Variants in NFATC4 observed in about 807,000 individuals in gnomAD.
The protein encoded by NFATC4 is nuclear factor of activated T-cells, cytoplasmic 4.
Under a neutral mutation model 73.4 loss-of-function variants are expected in NFATC4, and 25 were observed. That is an observed-to-expected ratio of 0.34 (90% CI 0.25 to 0.48). The LOEUF (loss-of-function observed/expected upper bound fraction) is 0.48, where lower values mean the gene tolerates loss of function less well. Among genes scored for constraint, NFATC4 ranks in the 20% least tolerant of loss-of-function variants. The pLI is 0.99. For synonymous variants in NFATC4, 523 were observed against 510.3 expected (o/e 1.02, Z -0.34); for missense variants, 1,130 against 1,203.7 (o/e 0.94, Z 0.91).
At position 24,377,539 on chromosome 14, in the gene NFATC4, T is replaced by C; in HGVS notation, c.2642-99T>C. 1 of 1,586,020 alleles carries C rather than the reference T, an allele frequency of 6.3e-7. No homozygotes were observed. The highest frequency in any genetic ancestry group is 8.6e-7 in the Non-Finnish European group (1 of 1,165,692). On this transcript the variant is annotated intron_variant, in intron 9 of 9. Coordinates refer to ENST00000250373, the MANE Select transcript of NFATC4 (RefSeq NM_004554.5). The surrounding 1 kb of genome is among the most constrained non-coding windows in gnomAD (Gnocchi z 4.2). ...CCAGTAGAGGAGGAATCTAGAGGCC[T>C]CCTAGATTAAGACCTGCCTGGAATG...
rs1184839804 is a variant in NFATC4, at chr14:24,376,376, G to A, written c.2139G>A (p.Met713Ile). 1 of 1,612,582 alleles carries A rather than the reference G, an allele frequency of 6.2e-7. No homozygotes were observed. The highest frequency in any genetic ancestry group is 1.7e-5 in the Admixed American group (1 of 59,862). Residue 713 changes from methionine to isoleucine, a missense_variant, in exon 9 of 10, where the codon ATG becomes ATA. Physicochemically the swap from Met to Ile is conservative, Grantham distance 10 (BLOSUM62 1). Around this residue, in one of 3 missense-constraint regions of NFATC4, gnomAD observed 390 missense variants for 408.1 expected, o/e 0.96. Transcript: ENST00000250373. The surrounding 1 kb of genome is among the most constrained non-coding windows in gnomAD (Gnocchi z 5.0). Reference protein sequence around the residue: ...SASATPFGTDMDFSPPRPPYP... With the variant: ...SASATPFGTDIDFSPPRPPYP... ...CGGCAACCCCCTTTGGCACTGACAT[G>A]GACTTCTCACCACCCAGGCCCCCCT...
chr14:24,372,389 CCT>C, intron 2 of NFATC4, 50 bp from the exon 3 acceptor site: 1 of 1,590,222 alleles, frequency 6.3e-7, no homozygotes, highest in Non-Finnish European at 8.6e-7. Flanking sequence ...CCAGTACGGG[CCT>C]GACTGGGGTC....
In NFATC4 at chr14:24,376,037, C is replaced by G. The variant is rs1373104518; in HGVS notation, c.1992C>G (p.Val664=). Residue 664 remains valine (V), a synonymous_variant, in exon 8 of 10, where the codon GTC becomes GTG. Transcript: ENST00000250373. The surrounding 1 kb of genome is among the most constrained non-coding windows in gnomAD (Gnocchi z 5.0). ...SNKRVSRPVQ[V]YFYVSNGRRK... is the part of the protein sequence containing the mutation. Reference sequence around the variant, plus strand: ...AGAGGGTTTCCCGGCCAGTCCAGGTCTACTTTTATGTCTCCAATGGGCGGA... The same window carrying G: ...AGAGGGTTTCCCGGCCAGTCCAGGTGTACTTTTATGTCTCCAATGGGCGGA... 2 of 1,614,034 alleles carry G rather than the reference C, an allele frequency of 1.2e-6. No individual in the cohort carries two copies. Among genetic ancestry groups the G allele is most frequent in the Non-Finnish European group, 1.7e-6 (2 of 1,179,972 alleles).
At chr14:24,367,908 G>C (rs1050264669), upstream of NFATC4, 5 of 1,307,368 alleles carry the variant, frequency 3.8e-6, no homozygotes, top group African/African-American at 1.5e-5. Context: ...GGTGGGGGCT[G>C]GGCTCTCTGC....
In NFATC4 at chr14:24,376,970, C is replaced by G; in HGVS notation, c.2641+92C>G. 7.0e-7 allele frequency: 1 copy of G among 1,422,442 alleles called. No homozygotes were observed. The highest frequency in any genetic ancestry group is 9.2e-7 in the Non-Finnish European group (1 of 1,091,076). 88.1% of individuals were successfully genotyped at this position (1,422,442 alleles called of 1,614,324 possible). Reference sequence around the variant, plus strand: ...GGCTGGAGCTGGGCTTTTCAGAGATCGGGCATCCCTGGTCTCTCAGGGCCA... The same window carrying G: ...GGCTGGAGCTGGGCTTTTCAGAGATGGGGCATCCCTGGTCTCTCAGGGCCA... On this transcript the variant is annotated intron_variant, in intron 9 of 9. Coordinates refer to ENST00000250373, the MANE Select transcript of NFATC4 (RefSeq NM_004554.5). The surrounding 1 kb of genome is among the most constrained non-coding windows in gnomAD (Gnocchi z 5.0).
chr14:24,377,239 C>T lies in NFATC4; in HGVS notation c.2641+361C>T. On this transcript the variant is annotated intron_variant, in intron 9 of 9. Coordinates refer to ENST00000250373, the MANE Select transcript of NFATC4 (RefSeq NM_004554.5). The surrounding 1 kb of genome is among the most constrained non-coding windows in gnomAD (Gnocchi z 4.2). ...GATGGTAGCTTGCTGAGGTCCCAGT[C>T]AAGCACACTTGCCATTGCCTCAGCT... The T allele has an allele frequency of 8.0e-7, 1 of 1,255,056 alleles. No individual in the cohort carries two copies. Among genetic ancestry groups the T allele is most frequent in the Non-Finnish European group, 1.0e-6 (1 of 1,000,812 alleles). The allele number at this position is 1,255,056 out of a possible 1,614,324, so 77.7% of individuals were successfully genotyped here.
chr14:24,375,737 C>A lies in NFATC4; in HGVS notation c.1929+22C>A, dbSNP rs762107129. ...CGAGGTACCAGTGTCACTTGGATAC[C>A]TCCTGGGGGGCGGGGGTGGGAGAAG... is the stretch of plus-strand genomic sequence containing the variant. On this transcript the variant is annotated intron_variant, in intron 7 of 9. Coordinates refer to ENST00000250373, the MANE Select transcript of NFATC4 (RefSeq NM_004554.5). 1.4e-5 allele frequency: 9 copies of A among 649,730 alleles called. No homozygotes were observed. In the East Asian group the frequency reaches 4.3e-4, roughly 31 times the overall value. The allele number at this position is 649,730 out of a possible 1,614,324, so 40.2% of individuals were successfully genotyped here. A position where few individuals can be genotyped will look rare whatever the true frequency, so the allele number is the denominator to read the frequency against.
At position 24,369,695 on chromosome 14, in the gene NFATC4, A is replaced by AAGGGGTGCT; in HGVS notation, c.297_298insAGGGGTGCT (p.Gly99_Gly100insArgGlyAla). 1 of 1,611,112 alleles carries AAGGGGTGCT rather than the reference A, an allele frequency of 6.2e-7. No individual in the cohort carries two copies. Among genetic ancestry groups the AAGGGGTGCT allele is most frequent in the Middle Eastern group, 1.7e-4 (1 of 6,030 alleles). On this transcript the variant is annotated inframe_insertion, in exon 2 of 10. Coordinates refer to ENST00000250373, the MANE Select transcript of NFATC4 (RefSeq NM_004554.5). ...GGTCGGTGAGGCTGGGAGGACCAGGAGGGGGTGCTGGGGGTGCTGGGGGTG... is the reference window on the plus strand; with the variant it reads ...GGTCGGTGAGGCTGGGAGGACCAGGAAGGGGTGCTGGGGGTGCTGGGGGTGCTGGGGGTG...
chr14:24,376,311 C>A lies in NFATC4; in HGVS notation c.2074C>A (p.Pro692Thr). ...RFLPVICKEE[P>T]LPDSSLRGFP... ...CTTCCCAGTGATCTGCAAAGAGGAG[C>A]CCCTACCGGACTCATCTCTGCGGGG... is the stretch of plus-strand genomic sequence containing the variant. Residue 692 changes from proline (P) to threonine (T), a missense_variant, in exon 9 of 10, where the codon CCC (proline) becomes ACC (threonine). This residue lies in a region of NFATC4 where 390 missense variants were observed against 408.1 expected (regional missense o/e 0.96). Transcript: ENST00000250373. The surrounding 1 kb of genome is among the most constrained non-coding windows in gnomAD (Gnocchi z 5.0). The A allele has an allele frequency of 6.3e-7, 1 of 1,577,764 alleles. No homozygotes were observed. Among genetic ancestry groups the A allele is most frequent in the Non-Finnish European group, 8.6e-7 (1 of 1,162,408 alleles).
chr14:24,367,346 T>A, upstream of NFATC4: 3 of 1,537,102 alleles, frequency 2.0e-6, no homozygotes, highest in Non-Finnish European at 2.6e-6. Flanking sequence ...AGTGGGATGC[T>A]ATCGGGTCAG....
At chr14:24,375,833 C>T (rs1033971345) in intron 7 of NFATC4, 118 bp downstream of exon 7, 13 of 1,535,480 alleles carry the variant, frequency 8.5e-6, no homozygotes, top group African/African-American at 1.4e-5. Context: ...ACTGGCCATT[C>T]TGTAAGCAGG....
Position 24,370,466 on chromosome 14 carries a change from G to C in NFATC4, c.1068G>C (p.Leu356Phe). ...EPASCNGKLP[L>F]GAEESVAPPG... ...CCTCATGCAATGGGAAGCTGCCCTT[G>C]GGAGCAGAGGAGTCTGTGGCTCCTC... Residue 356 changes from leucine (L) to phenylalanine (F), a missense_variant, in exon 2 of 10, where the codon TTG becomes TTC. Leu to Phe is a conservative substitution (Grantham distance 22, BLOSUM62 0). This residue lies in a region of NFATC4 where 585 missense variants were observed against 574.3 expected (regional missense o/e 1.02). Coordinates refer to ENST00000250373, the MANE Select transcript of NFATC4 (RefSeq NM_004554.5). 6.2e-7 allele frequency: 1 copy of C among 1,614,174 alleles called. No individual in the cohort carries two copies. The highest frequency in any genetic ancestry group is 8.5e-7 in the Non-Finnish European group (1 of 1,180,022).
At chr14:24,367,374 C>T (rs2042335601), upstream of NFATC4, 5 of 1,535,836 alleles carry the variant, frequency 3.3e-6, no homozygotes, top group African/African-American at 1.4e-5. Flanking sequence ...TTCCAGACTA[C>T]AGTTCTAGGG....
rs1054817437 is a variant in NFATC4, at chr14:24,376,403, C to T, written c.2166C>T (p.Tyr722=). 2.5e-6 allele frequency: 4 copies of T among 1,613,578 alleles called. No individual in the cohort carries two copies. The highest frequency in any genetic ancestry group is 3.4e-6 in the Non-Finnish European group (4 of 1,179,726). Residue 722 remains tyrosine (Y), a synonymous_variant, in exon 9 of 10, where the codon TAC becomes TAT. Coordinates refer to ENST00000250373, the MANE Select transcript of NFATC4 (RefSeq NM_004554.5). The surrounding 1 kb of genome is among the most constrained non-coding windows in gnomAD (Gnocchi z 5.0). The part of the protein sequence containing the change: ...DMDFSPPRPP[Y]PSYPHEDPAC... ...ACTTCTCACCACCCAGGCCCCCCTA[C>T]CCCTCCTATCCCCATGAAGACCCTG...
rs1253131439 is a variant in NFATC4, at chr14:24,377,414, G to A, written c.2642-224G>A. 1.4e-6 allele frequency: 2 copies of A among 1,417,118 alleles called. No homozygotes were observed. The highest frequency in any genetic ancestry group is 2.9e-5 in the African/African-American group (2 of 69,406). The allele number at this position is 1,417,118 out of a possible 1,614,324, so 87.8% of individuals were successfully genotyped here. A position where few individuals can be genotyped will look rare whatever the true frequency, so the allele number is the denominator to read the frequency against. The stretch of plus-strand genomic sequence containing the variant: ...GGCTAAGCCAGCAGGAAAGGGCTAG[G>A]ACGGGTGCCTGGGAGCCCACATGGA... On this transcript the variant is annotated intron_variant, in intron 9 of 9. Coordinates refer to ENST00000250373, the MANE Select transcript of NFATC4 (RefSeq NM_004554.5). This position sits in a 1 kb window ranked among gnomAD's most constrained non-coding sequence, Gnocchi z 4.2.
rs1277623030 is a variant in NFATC4, at chr14:24,373,501, C to T, written c.1559+131C>T. 7.3e-7 allele frequency: 1 copy of T among 1,365,956 alleles called. No individual in the cohort carries two copies. The highest frequency in any genetic ancestry group is 2.3e-5 in the East Asian group (1 of 43,170). The allele number at this position is 1,365,956 out of a possible 1,614,324, so 84.6% of individuals were successfully genotyped here. On this transcript the variant is annotated intron_variant, in intron 4 of 9. Coordinates refer to ENST00000250373, the MANE Select transcript of NFATC4 (RefSeq NM_004554.5). This position sits in a 1 kb window ranked among gnomAD's most constrained non-coding sequence, Gnocchi z 4.7. The stretch of plus-strand genomic sequence containing the variant: ...TTCCTAGGAGCTGGCTTCAGGCCTA[C>T]CCACCATCTGGAAGAGGACTTTTGG...
chr14:24,369,813 G>C lies in NFATC4; in HGVS notation c.415G>C (p.Gly139Arg), dbSNP rs766577802. ...AALEDNPDAW[G>R]DGSPRDYPPP... ...GCTGGAGGACAACCCTGATGCCTGGGGGGACGGCTCTCCTAGAGATTACCC... is the reference window on the plus strand; with the variant it reads ...GCTGGAGGACAACCCTGATGCCTGGCGGGACGGCTCTCCTAGAGATTACCC... The change falls in exon 2 of 10, where the codon GGG becomes CGG. Residue 139 changes from glycine (G) to arginine (R), a missense_variant. Coordinates refer to ENST00000250373, the MANE Select transcript of NFATC4 (RefSeq NM_004554.5). The C allele has an allele frequency of 2.5e-6, 4 of 1,599,044 alleles. No individual in the cohort carries two copies. Among genetic ancestry groups the C allele is most frequent in the East Asian group, 2.3e-5 (1 of 44,164 alleles).
rs1181324446 is a variant in NFATC4 at position 24,370,069 on chromosome 14, C to T, written c.671C>T (p.Pro224Leu). 1 of 1,606,256 alleles carries T rather than the reference C, an allele frequency of 6.2e-7. No individual in the cohort carries two copies. The highest frequency in any genetic ancestry group is 1.7e-5 in the Admixed American group (1 of 59,996). The change falls in exon 2 of 10, where the codon CCA becomes CTA. Residue 224 changes from proline (P) to leucine (L), a missense_variant. Physicochemically the swap from Pro to Leu is moderately conservative, Grantham distance 98 (BLOSUM62 -3). This residue lies in a region of NFATC4 where 585 missense variants were observed against 574.3 expected (regional missense o/e 1.02). Transcript: ENST00000250373. ...PLPSPRASPR[P>L]WTPEDPWSLY... ...CCCTCGCCCCGGGCCTCCCCTCGGC[C>T]ATGGACCCCCGAAGATCCCTGGAGC...
At chr14:24,375,750 G>A in intron 7 of NFATC4, 35 bp downstream of exon 7, 3 of 1,445,658 alleles carry the variant, frequency 2.1e-6, no homozygotes, top group Non-Finnish European at 2.9e-6. Flanking sequence ...CTGGGGGGCG[G>A]GGGTGGGAGA....
Sources: gnomAD v4.1 joint callset for allele counts on GRCh38, gnomAD v4.1.1 for gene constraint, gnomAD v4.1.1 regional missense constraint, Gnocchi (gnomAD v3.1) non-coding constraint, MANE v1.5 for transcripts, NCBI Gene and HGNC (gene_info 2026-07-23, HGNC 2026-07-21) for gene names.